LRRC7: variants seen among roughly 807,000 people sequenced by gnomAD.
LRRC7 encodes leucine rich repeat containing 7.
Under a neutral mutation model 175.7 loss-of-function variants are expected in LRRC7, and 23 were observed. The ratio of observed to expected loss-of-function variants is 0.13; its 90% confidence interval spans 0.09 to 0.19. LRRC7 has a LOEUF of 0.19. Among genes scored for constraint, LRRC7 ranks in the 10% least tolerant of loss-of-function variants. The pLI is 1.00. For synonymous variants in LRRC7, 685 were observed against 680.9 expected (o/e 1.01, Z -0.09); for missense variants, 1,354 against 1,904.7 (o/e 0.71, Z 5.38).
At position 70,142,078 on chromosome 1, in the gene LRRC7, T is replaced by C. The variant is rs1667084010; in HGVS notation, c.*20191T>C. 1 of 152,122 alleles carries C rather than the reference T, an allele frequency of 6.6e-6. No individual in the cohort carries two copies. Among genetic ancestry groups the C allele is most frequent in the African/African-American group, 2.4e-5 (1 of 41,442 alleles). 9.4% of individuals were successfully genotyped at this position (152,122 alleles called of 1,614,324 possible). ...TTATGTAATATTTTTGGACGGTCCA[T>C]AGGAAAAGCAAGATGAAACTCTCAG... On this transcript the variant is annotated 3_prime_UTR_variant, in exon 27 of 27. Coordinates refer to ENST00000651989, the MANE Select transcript of LRRC7 (RefSeq NM_001370785.2).
chr1:69,682,672 C>T (rs1172783410), intron 2 of LRRC7, among the ~76,000 whole-genome samples: 1 of 152,124 alleles, frequency 6.6e-6, no homozygotes, highest in Non-Finnish European at 1.5e-5. Flanking sequence ...TCTACCAAAT[C>T]TGCCAACATC....
At chr1:69,800,568 G>A (rs1004418531) in intron 4 of LRRC7, among the ~76,000 whole-genome samples, 3 of 151,812 alleles carry the variant, frequency 2.0e-5, no homozygotes, top group Admixed American at 2.0e-4. Context: ...AAATGCTATT[G>A]ATTTTTTGCA....
At chr1:69,718,126 A>AGAAAAGAGAGAGAG (rs1222860817) in intron 2 of LRRC7, among the ~76,000 whole-genome samples, 1 of 32,264 alleles carries the variant, frequency 3.1e-5, no homozygotes, top group Non-Finnish European at 5.1e-5. Flanking sequence ...AGAAAGAAAG[A>AGAAAAGAGAGAGAG]AAAGAAAGAA....
chr1:69,947,177 C>A (rs1453651966), intron 8 of LRRC7, among the ~76,000 whole-genome samples: 1 of 151,598 alleles, frequency 6.6e-6, no homozygotes, highest in African/African-American at 2.4e-5. Flanking sequence ...TTGTAGACAG[C>A]TTATAGTTGG....
Position 70,016,644 on chromosome 1 carries a change from T to C in LRRC7, c.1320+110T>C, listed in dbSNP as rs551874034. The stretch of plus-strand genomic sequence containing the variant: ...TTTGACAGCAGCTACAAAATGTAGA[T>C]TGTTTTTATCCCCAGAAAGAGAGAA... On this transcript the variant is annotated intron_variant, in intron 14 of 26. Coordinates refer to ENST00000651989, the MANE Select transcript of LRRC7 (RefSeq NM_001370785.2). 2.4e-5 allele frequency: 19 copies of C among 804,262 alleles called. No individual in the cohort carries two copies. The Admixed American group carries it at 2.6e-4, about 11-fold the overall frequency. The allele number at this position is 804,262 out of a possible 1,614,324, so 49.8% of individuals were successfully genotyped here.
At chr1:69,715,897 T>C (rs913820226) in intron 2 of LRRC7, among the ~76,000 whole-genome samples, 1 of 152,024 alleles carries the variant, frequency 6.6e-6, no homozygotes, top group Non-Finnish European at 1.5e-5. Flanking sequence ...AAATGTTGCA[T>C]TAAGGAAGAA....
intron 1 of LRRC7, among the ~76,000 whole-genome samples, chr1:69,599,187 G>C (rs1749517): frequency 0.15 from 22,973 of 151,960 alleles, 1,906 homozygotes; most frequent in Admixed American, 0.19. Context: ...TAGGATCACA[G>C]AAGTAGGATG....
chr1:69,794,076 A>G (rs935159078), intron 4 of LRRC7, among the ~76,000 whole-genome samples: 4 of 152,192 alleles, frequency 2.6e-5, no homozygotes, highest in Non-Finnish European at 1.5e-5. Context: ...AGACTGCTGT[A>G]TTATTAGGGA....
At chr1:69,718,955 T>C (rs913537958) in intron 2 of LRRC7, among the ~76,000 whole-genome samples, 4 of 151,854 alleles carry the variant, frequency 2.6e-5, no homozygotes, top group Non-Finnish European at 5.9e-5. Flanking sequence ...AGCATCTTTA[T>C]TCTTCATCTC....
intron 4 of LRRC7, among the ~76,000 whole-genome samples, chr1:69,808,281 C>T (rs560283418): frequency 6.6e-6 from 1 of 151,780 alleles, no homozygotes; most frequent in African/African-American, 2.4e-5. Context: ...GAAACCTACA[C>T]AGAGACATAA....
intron 7 of LRRC7, chr1:69,874,422 C>T (rs1279500113): frequency 7.2e-5 from 11 of 152,126 alleles, no homozygotes; most frequent in African/African-American, 2.2e-4. Context: ...TAATGCAGTA[C>T]AGCAAATTCA....
chr1:70,029,780 T>C (rs1274264189), intron 18 of LRRC7, among the ~76,000 whole-genome samples: 1 of 152,160 alleles, frequency 6.6e-6, no homozygotes, highest in African/African-American at 2.4e-5. Flanking sequence ...TACTATAAAA[T>C]AAGAGTCTAA....
chr1:69,762,459 A>G (rs920881767), intron 3 of LRRC7, among the ~76,000 whole-genome samples: 1 of 152,016 alleles, frequency 6.6e-6, no homozygotes, highest in Non-Finnish European at 1.5e-5. Flanking sequence ...GAAGAGCTCC[A>G]TTTTTGGAGA....
At chr1:69,755,807 T>C (rs951064312) in intron 2 of LRRC7, among the ~76,000 whole-genome samples, 4 of 151,918 alleles carry the variant, frequency 2.6e-5, no homozygotes, top group African/African-American at 9.7e-5. Context: ...CTCCAGAATA[T>C]TTTTCCTGAA....
chr1:69,705,143 A>G (rs1257197140), intron 2 of LRRC7, among the ~76,000 whole-genome samples: 1 of 152,128 alleles, frequency 6.6e-6, no homozygotes, highest in African/African-American at 2.4e-5. Context: ...AACCTTTACC[A>G]TTGTAATAAT....
At chr1:69,691,219 C>G (rs1449237063) in intron 2 of LRRC7, among the ~76,000 whole-genome samples, 1 of 152,108 alleles carries the variant, frequency 6.6e-6, no homozygotes, top group Non-Finnish European at 1.5e-5. Context: ...GTTTCTCCCC[C>G]TCCCTTCTTA....
chr1:70,015,160 A>C (rs1009891779), intron 13 of LRRC7, among the ~76,000 whole-genome samples: 27 of 152,084 alleles, frequency 1.8e-4, no homozygotes, highest in African/African-American at 6.5e-4. Flanking sequence ...ACAATTATAT[A>C]AAAAAGAATT....
chr1:70,090,296 G>A lies in LRRC7; in HGVS notation c.4545+477G>A, dbSNP rs17131192. On this transcript the variant is annotated intron_variant, in intron 25 of 26. Transcript: ENST00000651989. ...AAGCATGTAAAGAATTTTGCTAATA[G>A]AACTGTAGAATTGAGAAACCACAGA... Among the ~76,000 whole-genome samples the A allele has an allele frequency of 3.1e-3, 476 of 152,172 alleles. 3 individuals carry two copies. Among genetic ancestry groups the A allele is most frequent in the African/African-American group, 0.011 (448 of 41,534 alleles).
chr1:69,807,224 C>A (rs4350159), intron 4 of LRRC7, among the ~76,000 whole-genome samples: 152,136 of 152,186 alleles, frequency 1, 76,043 homozygotes, highest in Non-Finnish European at 1. Context: ...AATACAGCAC[C>A]CTGATGGGTC....
Sources: gnomAD v4.1 joint callset for allele counts (sites outside exome capture counted in the v4.1 genomes callset) on GRCh38, gnomAD v4.1.1 for gene constraint, MANE v1.5 for transcripts, NCBI Gene and HGNC (gene_info 2026-07-23, HGNC 2026-07-21) for gene names.